The following GNB5 variants were observed in gnomAD, a reference collection of about 807,000 sequenced individuals.
GNB5 encodes the protein G protein subunit beta 5.
GNB5 carries 37 observed loss-of-function variants against 55.3 expected under a neutral mutation model. That is an observed-to-expected ratio of 0.67 (90% CI 0.51 to 0.88). The LOEUF (loss-of-function observed/expected upper bound fraction) is 0.88. Ranked by LOEUF, GNB5 falls within the 40% of genes least tolerant of loss-of-function variation. The probability of loss-of-function intolerance (pLI) is 0.00; values close to 1 mark genes in which losing one functional copy is unlikely to be tolerated. For missense variants in GNB5, 476 were observed against 515.3 expected (o/e 0.92, Z 0.74); for synonymous variants, 219 against 198.5 (o/e 1.10, Z -0.87).
At chr15:52,185,760 T>TTA (rs2034837122) in intron 1 of GNB5, among the ~76,000 whole-genome samples, 2 of 115,882 alleles carry the variant, frequency 1.7e-5, no homozygotes, top group Non-Finnish European at 1.7e-5. Flanking sequence ...CTTTTTATTA[T>TTA]TATTATTATT....
At chr15:52,164,668 A>T (rs1279869099) in intron 3 of GNB5, among the ~76,000 whole-genome samples, 1 of 152,000 alleles carries the variant, frequency 6.6e-6, no homozygotes, top group East Asian at 1.9e-4. Context: ...AAAGAAAGCA[A>T]CATCATCATC....
intron 3 of GNB5, among the ~76,000 whole-genome samples, chr15:52,158,654 T>G (rs935409420): frequency 6.7e-6 from 1 of 148,926 alleles, no homozygotes; most frequent in African/African-American, 2.4e-5. Flanking sequence ...CAACCTTTTT[T>G]TTTTTTTAAA....
chr15:52,152,331 T>C (rs1181028297), intron 4 of GNB5, among the ~76,000 whole-genome samples: 2 of 152,074 alleles, frequency 1.3e-5, no homozygotes, highest in South Asian at 2.1e-4. Context: ...ATCTTTTTTT[T>C]TTTGGAGAAA....
intron 3 of GNB5, among the ~76,000 whole-genome samples, chr15:52,179,300 T>A: frequency 6.6e-6 from 1 of 151,822 alleles, no homozygotes; most frequent in Non-Finnish European, 1.5e-5. Flanking sequence ...TGCAGTCTCA[T>A]AAAAGCAAAA....
chr15:52,168,017 G>A (rs1265620920), intron 3 of GNB5, among the ~76,000 whole-genome samples: 3 of 152,150 alleles, frequency 2.0e-5, no homozygotes, highest in Admixed American at 1.3e-4. Context: ...AATAGTAAGA[G>A]CCATATATGA....
chr15:52,139,690 C>T (rs567909054), intron 7 of GNB5: 8 of 589,458 alleles, frequency 1.4e-5, no homozygotes, highest in African/African-American at 7.8e-5. Context: ...ATCCTGCTGT[C>T]TGCCTCCAGA....
chr15:52,175,240 G>T (rs2034628180), intron 3 of GNB5, among the ~76,000 whole-genome samples: 1 of 152,194 alleles, frequency 6.6e-6, no homozygotes, highest in South Asian at 2.1e-4. Flanking sequence ...TCTAACACAT[G>T]TTGCTCTGGG....
At chr15:52,156,668 C>T (rs11632093) in intron 3 of GNB5, among the ~76,000 whole-genome samples, 73,313 of 151,956 alleles carry the variant, frequency 0.48, 21,299 homozygotes, top group Non-Finnish European at 0.66. Flanking sequence ...GGGCAAAGGT[C>T]GCAGTGGGCA....
At chr15:52,142,583 T>C (rs2033881534) in intron 6 of GNB5, among the ~76,000 whole-genome samples, 1 of 152,096 alleles carries the variant, frequency 6.6e-6, no homozygotes, top group African/African-American at 2.4e-5. Flanking sequence ...AATATATGTA[T>C]GACCCCTATT....
chr15:52,181,491 C>A (rs527973323), intron 2 of GNB5, among the ~76,000 whole-genome samples: 2 of 152,268 alleles, frequency 1.3e-5, no homozygotes, highest in South Asian at 4.1e-4. Flanking sequence ...TGGTACGTGC[C>A]TGTAACCTCA....
chr15:52,166,031 G>A (rs868138231), intron 3 of GNB5, among the ~76,000 whole-genome samples: 1 of 152,100 alleles, frequency 6.6e-6, no homozygotes, highest in African/African-American at 2.4e-5. Context: ...AAAAAAGCAG[G>A]CGTTGCAATC....
At chr15:52,179,932 C>G in intron 2 of GNB5, 53 bp from the exon 3 acceptor site, 1 of 1,445,844 alleles carries the variant, frequency 6.9e-7, no homozygotes, top group Non-Finnish European at 9.1e-7. Context: ...ATGCGCTGAG[C>G]CGCGGCGGGC....
At chr15:52,133,996 C>T (rs892962963) in intron 8 of GNB5, among the ~76,000 whole-genome samples, 2 of 152,238 alleles carry the variant, frequency 1.3e-5, no homozygotes, top group East Asian at 1.9e-4. Context: ...GGGCCATCTG[C>T]ACCCTCAGCA....
chr15:52,178,793 C>G (rs2034701687), intron 3 of GNB5, among the ~76,000 whole-genome samples: 1 of 152,158 alleles, frequency 6.6e-6, no homozygotes. Flanking sequence ...TAGCACGAAC[C>G]CCATTTTTCC....
intron 3 of GNB5, among the ~76,000 whole-genome samples, chr15:52,154,756 A>C (rs1440668083): frequency 1.3e-5 from 2 of 152,248 alleles, no homozygotes; most frequent in Admixed American, 6.5e-5. Flanking sequence ...AGCTGTCTGC[A>C]AACTGCACAC....
chr15:52,143,179 CAG>C (rs936346704), intron 6 of GNB5, among the ~76,000 whole-genome samples: 52 of 147,862 alleles, frequency 3.5e-4, no homozygotes, highest in Admixed American at 2.7e-4. Context: ...AAAAAAAAAA[CAG>C]AATGTGTAGA....
rs1012236312 is a variant in GNB5 at position 52,130,279 on chromosome 15, G to A, written c.864-2035C>T. ...GGCATGCTAAGAGAATAATGACAAC[G>A]CTCAGTATAACCTCAGCCTTGGGTG... is the stretch of plus-strand genomic sequence containing the variant. On this transcript the variant is annotated intron_variant, in intron 9 of 12. Transcript: ENST00000261837. 7.9e-5 allele frequency among the ~76,000 whole-genome samples: 12 copies of A among 152,082 alleles called. No individual in the cohort carries two copies. In the East Asian group the frequency reaches 2.1e-3, roughly 27 times the overall value.
At chr15:52,147,403 G>A in intron 6 of GNB5, 56 bp downstream of exon 6, 5 of 967,048 alleles carry the variant, frequency 5.2e-6, no homozygotes, top group South Asian at 1.3e-5. Flanking sequence ...TTTGCCAAGA[G>A]AACAGTATTC....
chr15:52,184,955 C>T (rs1466985793), intron 1 of GNB5, among the ~76,000 whole-genome samples: 1 of 152,212 alleles, frequency 6.6e-6, no homozygotes, highest in Non-Finnish European at 1.5e-5. Context: ...AGACCTGCGT[C>T]AGGCAGGATT....
Sources: gnomAD v4.1 joint callset for allele counts (sites outside exome capture counted in the v4.1 genomes callset) on GRCh38, gnomAD v4.1.1 for gene constraint, MANE v1.5 for transcripts, NCBI Gene and HGNC (gene_info 2026-07-23, HGNC 2026-07-21) for gene names.